The following ITPR1 variants were observed in gnomAD, a reference collection of about 807,000 sequenced individuals.
ITPR1 encodes the protein inositol 1,4,5-trisphosphate-gated calcium channel ITPR1.
A neutral mutation model predicts 318.4 loss-of-function variants in ITPR1; 96 were observed. That is an observed-to-expected ratio of 0.30 (90% CI 0.26 to 0.36). ITPR1 has a LOEUF of 0.36. ITPR1 is among the 10% of genes least tolerant of loss of function. ITPR1 has a pLI of 1.00. For missense variants in ITPR1, 2,440 were observed against 3,460.2 expected, an observed-to-expected ratio of 0.71 and a Z score of 7.40; for synonymous variants, 1,312 against 1,289.9, an observed-to-expected ratio of 1.02 and a Z score of -0.37.
At chr3:4,527,593 C>G (rs1012511278) in intron 4 of ITPR1, among the ~76,000 whole-genome samples, 1 of 152,182 alleles carries the variant, frequency 6.6e-6, no homozygotes, top group Non-Finnish European at 1.5e-5. Flanking sequence ...GCAGTATAAC[C>G]CAGTTTCTGG....
At chr3:4,718,469 A>G (rs1387735090) in intron 40 of ITPR1, among the ~76,000 whole-genome samples, 1 of 152,206 alleles carries the variant, frequency 6.6e-6, no homozygotes, top group Non-Finnish European at 1.5e-5. Context: ...ATCCCTAAGG[A>G]GGGTTTGAAT....
At chr3:4,500,118 G>A (rs2080910255) in intron 2 of ITPR1, among the ~76,000 whole-genome samples, 1 of 152,204 alleles carries the variant, frequency 6.6e-6, no homozygotes, top group African/African-American at 2.4e-5. Context: ...AGATGTTCCA[G>A]GCTCATCTTC....
Position 4,615,440 on chromosome 3 carries a change from G to A in ITPR1, c.164-12323G>A, listed in dbSNP as rs1344080397. On this transcript the variant is annotated intron_variant, in intron 4 of 61. Transcript: ENST00000649015. ...TGCCCAGGCTGGAGTGCAATGGCACGATCTCGTCTCACTGCAACCCCTGCC... is the reference window on the plus strand; with the variant it reads ...TGCCCAGGCTGGAGTGCAATGGCACAATCTCGTCTCACTGCAACCCCTGCC... 7.5e-5 allele frequency among the ~76,000 whole-genome samples: 11 copies of A among 146,774 alleles called. 1 individual carries two copies. The highest frequency in any genetic ancestry group is 2.0e-4 in the African/African-American group (8 of 39,474).
Position 4,674,316 on chromosome 3 carries a change from T to C in ITPR1, c.2571T>C (p.Asp857=), listed in dbSNP as rs772459711. The change falls in exon 22 of 62, where the codon GAT becomes GAC. Residue 857 remains aspartate, a synonymous_variant. Coordinates refer to ENST00000649015, the MANE Select transcript of ITPR1 (RefSeq NM_001378452.1). ...TTTGTCAGAGGTTCCCTTTCTCTGA[T>C]AAAGAGAAGAATAAGCTTACGTTTG... is the stretch of plus-strand genomic sequence containing the variant. ...DVVCQRFPFS[D]KEKNKLTFEV... is the part of the protein sequence containing the mutation. 4 of 1,607,014 alleles carry C rather than the reference T, an allele frequency of 2.5e-6. No individual in the cohort carries two copies. The highest frequency in any genetic ancestry group is 3.4e-6 in the Non-Finnish European group (4 of 1,176,104).
chr3:4,811,490 T>C lies in ITPR1; in HGVS notation c.7468+30T>C, dbSNP rs377226940. ...GTTTGGGATCTTCTGATCTTTTTAA[T>C]GCTAAAAGATTATTTCCTGATTATA... On this transcript the variant is annotated intron_variant, in intron 56 of 61. Transcript: ENST00000649015. 7 of 1,543,830 alleles carry C rather than the reference T, an allele frequency of 4.5e-6. No homozygotes were observed. The African/African-American group carries it at 9.6e-5, about 21-fold the overall frequency.
intron 60 of ITPR1, 90 bp from the exon 61 acceptor site, chr3:4,836,684 A>G (rs547271421): frequency 3.4e-4 from 416 of 1,214,900 alleles, no homozygotes; most frequent in Middle Eastern, 1.5e-3. Context: ...GTTAGGAAAC[A>G]TGGCACGGTA....
chr3:4,635,234 A>C (rs561592006), intron 5 of ITPR1, among the ~76,000 whole-genome samples: 3 of 152,370 alleles, frequency 2.0e-5, no homozygotes, highest in South Asian at 4.1e-4. Context: ...AACTCCTAGA[A>C]GTGGAATTGT....
At chr3:4,592,536 C>T (rs993310983) in intron 4 of ITPR1, among the ~76,000 whole-genome samples, 1 of 152,040 alleles carries the variant, frequency 6.6e-6, no homozygotes, top group South Asian at 2.1e-4. Flanking sequence ...TAGTTGGCTC[C>T]CATAACTGGC....
chr3:4,667,286 C>T (rs2093970933), intron 17 of ITPR1, 91 bp from the exon 18 acceptor site: 2 of 990,660 alleles, frequency 2.0e-6, no homozygotes, highest in East Asian at 5.4e-5. Context: ...CAGTAGTTCT[C>T]ATCAGGAAAC....
chr3:4,792,985 G>T (rs1056685330), intron 52 of ITPR1, among the ~76,000 whole-genome samples: 2 of 152,202 alleles, frequency 1.3e-5, no homozygotes, highest in Non-Finnish European at 2.9e-5. Flanking sequence ...TACAAAGGCA[G>T]AGTATATGGG....
At chr3:4,814,996 C>A (rs940087879) in intron 58 of ITPR1, 57 bp from the exon 59 acceptor site, 6 of 1,457,386 alleles carry the variant, frequency 4.1e-6, no homozygotes, top group Non-Finnish European at 5.6e-6. Flanking sequence ...GCCCCAGGCT[C>A]CGCAGACCAA....
chr3:4,540,634 C>T (rs1345261814), intron 4 of ITPR1, among the ~76,000 whole-genome samples: 1 of 152,096 alleles, frequency 6.6e-6, no homozygotes, highest in African/African-American at 2.4e-5. Context: ...GTCACACAGG[C>T]TGGAGTACAG....
chr3:4,616,693 T>C (rs371833629), intron 4 of ITPR1, among the ~76,000 whole-genome samples: 5 of 152,224 alleles, frequency 3.3e-5, no homozygotes, highest in Admixed American at 2.0e-4. Flanking sequence ...GAAGGGACTA[T>C]GTTTAATTGC....
chr3:4,498,944 T>G (rs960209188), intron 2 of ITPR1, among the ~76,000 whole-genome samples: 2 of 152,248 alleles, frequency 1.3e-5, no homozygotes, highest in African/African-American at 4.8e-5. Context: ...ATAAGTGAAG[T>G]GGACCCCTGC....
At chr3:4,523,007 T>C (rs2082683957) in intron 4 of ITPR1, among the ~76,000 whole-genome samples, 1 of 152,226 alleles carries the variant, frequency 6.6e-6, no homozygotes, top group Non-Finnish European at 1.5e-5. Context: ...TTGGGATTTT[T>C]GAAAGCTTCT....
intron 51 of ITPR1, 105 bp downstream of exon 51, chr3:4,784,025 G>T: frequency 2.6e-6 from 2 of 779,136 alleles, no homozygotes. Context: ...CAATGGAAAT[G>T]TGAGTGTGTA....
intron 4 of ITPR1, among the ~76,000 whole-genome samples, chr3:4,581,561 C>A (rs538193180): frequency 1.9e-4 from 29 of 152,354 alleles, no homozygotes; most frequent in African/African-American, 6.7e-4. Context: ...GGACAACAAG[C>A]AACACCCACC....
At position 4,833,859 on chromosome 3, in the gene ITPR1, G is replaced by A. The variant is rs150429174; in HGVS notation, c.8029-2915G>A. On this transcript the variant is annotated intron_variant, in intron 60 of 61. Transcript: ENST00000649015. Reference sequence around the variant, plus strand: ...TTACTTGGACACTACTCTCTCTACCGCTCCTAGATACAACATAGCCTGCAT... The same window carrying A: ...TTACTTGGACACTACTCTCTCTACCACTCCTAGATACAACATAGCCTGCAT... Among the ~76,000 whole-genome samples, 21 of 152,162 alleles carry A rather than the reference G, an allele frequency of 1.4e-4. No homozygotes were observed. The East Asian group carries it at 2.9e-3, about 21-fold the overall frequency.
chr3:4,608,907 C>G (rs1380163141), intron 4 of ITPR1, among the ~76,000 whole-genome samples: 1 of 146,324 alleles, frequency 6.8e-6, no homozygotes, highest in East Asian at 2.0e-4. Context: ...GAGGCTGAGG[C>G]AGGAGAATTG....
Sources: allele counts gnomAD v4.1 joint callset (sites outside exome capture counted in the v4.1 genomes callset), GRCh38; gene constraint gnomAD v4.1.1; transcripts MANE v1.5; gene names NCBI Gene and HGNC (gene_info 2026-07-23, HGNC 2026-07-21).